The following ZNF81 variants were observed in gnomAD, a reference collection of about 807,000 sequenced individuals.
The protein encoded by ZNF81 is zinc finger protein 81 (HFZ20).
Under a neutral mutation model 32.3 loss-of-function variants are expected in ZNF81, and 5 were observed. The observed-to-expected ratio is 0.15, with a 90% CI of 0.08 to 0.33. The LOEUF (loss-of-function observed/expected upper bound fraction) is 0.33. ZNF81 is among the 10% of genes least tolerant of loss of function. The probability of loss-of-function intolerance (pLI) is 1.00; values close to 1 mark genes in which losing one functional copy is unlikely to be tolerated. For synonymous variants in ZNF81, 163 were observed against 166.8 expected (o/e 0.98, Z 0.17); for missense variants, 379 against 479.8 (o/e 0.79, Z 1.96).
chrX:47,897,274 G>A (rs1006825675), intron 4 of ZNF81, among the ~76,000 whole-genome samples: 23 of 112,177 alleles, frequency 2.1e-4, no homozygotes, highest in African/African-American at 7.1e-4. Context: ...TATTGTAGCG[G>A]ATATTATAAT....
chrX:47,838,655 A>T (rs1168613458), intron 1 of ZNF81, among the ~76,000 whole-genome samples: 1 of 111,425 alleles, frequency 9.0e-6, no homozygotes, highest in African/African-American at 3.3e-5. Flanking sequence ...AATAAACCCT[A>T]CTTGGTTGTG....
At chrX:47,839,011 C>T (rs2058436107) in intron 1 of ZNF81, among the ~76,000 whole-genome samples, 1 of 111,435 alleles carries the variant, frequency 9.0e-6, no homozygotes, top group Non-Finnish European at 1.9e-5. Flanking sequence ...TCTCAATCTC[C>T]TGGGCTCAAA....
rs988101883 is a variant in ZNF81 at position 47,915,896 on chromosome X, G to A, written c.1250G>A (p.Ser417Asn). The change falls in exon 5 of 5, where the codon AGT (serine) becomes AAT (asparagine). Residue 417 changes from serine to asparagine, a missense_variant. Physicochemically the swap from Ser to Asn is conservative, Grantham distance 46. Coordinates refer to ENST00000338637, the MANE Select transcript of ZNF81 (RefSeq NM_007137.5). ...ACTGGAGAGAGACATCACAAATGCA[G>A]TGAGTGTGGGAAAGCCTTTACCCAA... ...IHTGERHHKC[S>N]ECGKAFTQKS... 8.3e-7 allele frequency: 1 copy of A among 1,210,007 alleles called. No individual in the cohort carries two copies. Among genetic ancestry groups the A allele is most frequent in the Non-Finnish European group, 1.1e-6 (1 of 894,777 alleles).
At position 47,919,256 on chromosome X, in the gene ZNF81, A is replaced by G. The variant is rs141557587; in HGVS notation, c.*2624A>G. 1,879 of 320,922 alleles carry G rather than the reference A, an allele frequency of 5.9e-3. 7 individuals are homozygous for G. Among genetic ancestry groups the G allele is most frequent in the Non-Finnish European group, 9.3e-3 (1,538 of 166,143 alleles). The allele number at this position is 320,922 out of a possible 1,213,427, so 26.4% of individuals were successfully genotyped here. On this transcript the variant is annotated 3_prime_UTR_variant, in exon 5 of 5. Coordinates refer to ENST00000338637, the MANE Select transcript of ZNF81 (RefSeq NM_007137.5). ...GTATATGTGTCCTTCTTCAGTCTTT[A>G]TTTCTCTTTGTGTTTCAGTTAGGAT...
chrX:47,912,014 C>G (rs2058740966), intron 4 of ZNF81, among the ~76,000 whole-genome samples: 1 of 109,837 alleles, frequency 9.1e-6, no homozygotes, highest in Non-Finnish European at 1.9e-5. Context: ...GCTCTTTTTT[C>G]TAGAGTGATG....
chrX:47,901,220 A>G (rs1556887936), intron 4 of ZNF81, among the ~76,000 whole-genome samples: 1 of 112,012 alleles, frequency 8.9e-6, no homozygotes, highest in Non-Finnish European at 1.9e-5. Context: ...AACTCTTACC[A>G]TTGATTCTTG....
chrX:47,846,249 GTC>G lies in ZNF81; in HGVS notation c.-18_-17del, dbSNP rs782113648. The G allele has an allele frequency of 8.3e-7, 1 of 1,205,296 alleles. No individual in the cohort carries two copies. Among genetic ancestry groups the G allele is most frequent in the Admixed American group, 2.2e-5 (1 of 45,348 alleles). On this transcript the variant is annotated 5_prime_UTR_variant, in exon 2 of 5. Transcript: ENST00000338637. ...TCAGCAAGAAAGCCCCAGGGCTGAA[GTC>G]CAAGTCCGTCGGGAACATGCCAGCT...
chrX:47,862,251 G>A (rs2058543155), intron 2 of ZNF81, among the ~76,000 whole-genome samples: 1 of 110,975 alleles, frequency 9.0e-6, no homozygotes. Context: ...ATCTCGGCCG[G>A]GTGCGGTGGC....
At chrX:47,838,451 T>A (rs781804462) in intron 1 of ZNF81, among the ~76,000 whole-genome samples, 10 of 111,799 alleles carry the variant, frequency 8.9e-5, no homozygotes, top group Non-Finnish European at 1.7e-4. Context: ...TTTCTTTTTT[T>A]GGACCCTCTT....
At chrX:47,878,242 C>A (rs1179055437) in intron 2 of ZNF81, among the ~76,000 whole-genome samples, 22 of 110,387 alleles carry the variant, frequency 2.0e-4, no homozygotes, top group Non-Finnish European at 1.9e-5. Context: ...TTTTCTGTAA[C>A]TATTGTCTGC....
In ZNF81 at chrX:47,858,884, A is replaced by T. The variant is rs2058527741; in HGVS notation, c.54+12563A>T. Among the ~76,000 whole-genome samples the T allele has an allele frequency of 2.7e-5, 3 of 110,814 alleles. No individual in the cohort carries two copies. The South Asian group carries it at 1.2e-3, about 43-fold the overall frequency. On this transcript the variant is annotated intron_variant, in intron 2 of 4. Coordinates refer to ENST00000338637, the MANE Select transcript of ZNF81 (RefSeq NM_007137.5). ...GGCAGGCAGATCACCTGAGGTCGGG[A>T]GTTTGAGACCAGCCTGACCAACATG...
In ZNF81 at chrX:47,920,268, C is replaced by T. The variant is rs2058771661; in HGVS notation, c.*3636C>T. On this transcript the variant is annotated 3_prime_UTR_variant, in exon 5 of 5. Transcript: ENST00000338637. ...AGGCCTGTAGGCCTTTCCTGTGTGC[C>T]TGCATCTCAGGGAGGGTCTCTCTCC... is the stretch of plus-strand genomic sequence containing the variant. 1 of 111,834 alleles carries T rather than the reference C, an allele frequency of 8.9e-6. No individual in the cohort carries two copies. The highest frequency in any genetic ancestry group is 3.7e-4 in the South Asian group (1 of 2,717). 9.2% of individuals were successfully genotyped at this position (111,834 alleles called of 1,213,427 possible). A position where few individuals can be genotyped will look rare whatever the true frequency, so the allele number is the denominator to read the frequency against.
At chrX:47,897,583 A>ATTGT (rs782351318) in intron 4 of ZNF81, among the ~76,000 whole-genome samples, 3 of 112,263 alleles carry the variant, frequency 2.7e-5, no homozygotes, top group South Asian at 7.3e-4. Flanking sequence ...CATCTGTTTT[A>ATTGT]TTGTTAGTAC....
intron 3 of ZNF81, among the ~76,000 whole-genome samples, chrX:47,889,422 G>C (rs1290115223): frequency 1.8e-5 from 2 of 112,483 alleles, no homozygotes; most frequent in Non-Finnish European, 3.8e-5. Flanking sequence ...TCAGAAGCTA[G>C]TAGGGCTGCA....
intron 2 of ZNF81, among the ~76,000 whole-genome samples, chrX:47,853,220 A>C (rs782315140): frequency 9.4e-6 from 1 of 106,267 alleles, no homozygotes; most frequent in African/African-American, 3.5e-5. Flanking sequence ...CTCTGTTACC[A>C]GGCTGGAGTG....
intron 2 of ZNF81, among the ~76,000 whole-genome samples, chrX:47,857,868 C>T (rs2058523541): frequency 1.8e-5 from 2 of 110,765 alleles, no homozygotes; most frequent in African/African-American, 3.3e-5. Flanking sequence ...CAAACTGGGG[C>T]GAGGCTGGGG....
intron 2 of ZNF81, among the ~76,000 whole-genome samples, chrX:47,873,921 G>C (rs782546216): frequency 8.8e-4 from 98 of 111,845 alleles, no homozygotes; most frequent in Non-Finnish European, 1.5e-3. Flanking sequence ...GCCCATCTCA[G>C]CCTCCCAAAG....
At position 47,915,995 on chromosome X, in the gene ZNF81, C is replaced by G. The variant is rs2058755636; in HGVS notation, c.1349C>G (p.Ala450Gly). The change falls in exon 5 of 5, where the codon GCC becomes GGC. Residue 450 changes from alanine to glycine, a missense_variant. Transcript: ENST00000338637. The stretch of plus-strand genomic sequence containing the variant: ...TATATCTGTACTCAATGTGGGCAGG[C>G]CTTCATCCAGAAGGCACACTTGATT... ...RSYICTQCGQAFIQKAHLIAH... is the reference protein window; with the variant it reads ...RSYICTQCGQGFIQKAHLIAH... 8.3e-7 allele frequency: 1 copy of G among 1,209,717 alleles called. No homozygotes were observed. Among genetic ancestry groups the G allele is most frequent in the Non-Finnish European group, 1.1e-6 (1 of 895,157 alleles).
At chrX:47,846,557 A>G (rs1348157061) in intron 2 of ZNF81, among the ~76,000 whole-genome samples, 2 of 112,171 alleles carry the variant, frequency 1.8e-5, no homozygotes, top group Non-Finnish European at 3.8e-5. Flanking sequence ...TATTTAGGTT[A>G]ATAGCCCTTT....
Sources: gnomAD v4.1 joint callset for allele counts (sites outside exome capture counted in the v4.1 genomes callset) on GRCh38, gnomAD v4.1.1 for gene constraint, MANE v1.5 for transcripts, NCBI Gene and HGNC (gene_info 2026-07-23, HGNC 2026-07-21) for gene names.